Variants in USP34 observed in about 807,000 individuals in gnomAD.
USP34 encodes ubiquitin specific peptidase 34, also known as ubiquitin carboxyl-terminal hydrolase 34.
USP34 carries 70 observed loss-of-function variants against 460.3 expected under a neutral mutation model. The observed-to-expected ratio is 0.15, with a 90% CI of 0.13 to 0.19. USP34 has a LOEUF of 0.19. Ranked by LOEUF, USP34 falls within the 10% of genes least tolerant of loss-of-function variation. The pLI is 1.00. For missense variants in USP34, 3,985 were observed against 4,236.2 expected (o/e 0.94, Z 1.65); for synonymous variants, 1,647 against 1,405.3 (o/e 1.17, Z -3.85).
In USP34 at chr2:61,451,052, T is replaced by C. The variant is rs540343814; in HGVS notation, c.43+19598A>G. Among the ~76,000 whole-genome samples, 128 of 151,154 alleles carry C rather than the reference T, an allele frequency of 8.5e-4. 2 individuals are homozygous for C. Among genetic ancestry groups the C allele is most frequent in the Admixed American group, 7.6e-3 (116 of 15,166 alleles). ...GGTCAACATGGTGAAACCCCATCTC[T>C]ACTAAAAATGTAAAAAAAATTGGCT... On this transcript the variant is annotated intron_variant, in intron 1 of 79. Coordinates refer to ENST00000398571, the MANE Select transcript of USP34 (RefSeq NM_014709.4).
intron 70 of USP34, chr2:61,207,124 T>C (rs941804119): frequency 9.2e-6 from 3 of 327,540 alleles, no homozygotes; most frequent in African/African-American, 6.5e-5. Context: ...GAAGAAATAG[T>C]TTAATCACAT....
Position 61,187,591 on chromosome 2 carries a change from A to T in USP34, c.*511T>A, listed in dbSNP as rs1326023401. The T allele has an allele frequency of 3.3e-6, 3 of 903,624 alleles. No individual in the cohort carries two copies. The highest frequency in any genetic ancestry group is 4.0e-6 in the Non-Finnish European group (3 of 754,928). 56.0% of individuals were successfully genotyped at this position (903,624 alleles called of 1,614,324 possible). On this transcript the variant is annotated 3_prime_UTR_variant, in exon 80 of 80. Coordinates refer to ENST00000398571, the MANE Select transcript of USP34 (RefSeq NM_014709.4). ...TATTTCCTCCACAGGTATTCTGTTA[A>T]ATAAAGCACCATTTATATACTGCCA...
Position 61,392,595 on chromosome 2 carries a change from G to A in USP34, c.753+2258C>T, listed in dbSNP as rs1339585207. On this transcript the variant is annotated intron_variant, in intron 5 of 79. Transcript: ENST00000398571. ...GCCAAGATGGTGCCACTGCACTCTA[G>A]CCTGGGTGACGGAGTGAGACTCTGT... is the stretch of plus-strand genomic sequence containing the variant. 2.0e-5 allele frequency among the ~76,000 whole-genome samples: 3 copies of A among 152,212 alleles called. No homozygotes were observed. In the East Asian group the frequency reaches 5.8e-4, roughly 29 times the overall value.
intron 1 of USP34, among the ~76,000 whole-genome samples, chr2:61,455,800 T>C (rs1695420378): frequency 6.6e-6 from 1 of 152,226 alleles, no homozygotes; most frequent in Admixed American, 6.6e-5. Context: ...TAAATGTTGA[T>C]ATGCATTATC....
At chr2:61,396,349 G>A (rs920122766) in intron 3 of USP34, among the ~76,000 whole-genome samples, 1 of 152,138 alleles carries the variant, frequency 6.6e-6, no homozygotes, top group Non-Finnish European at 1.5e-5. Flanking sequence ...CTTTGACCCA[G>A]CAATTCTAGC....
intron 44 of USP34, among the ~76,000 whole-genome samples, chr2:61,257,668 G>C (rs2103897182): frequency 6.6e-6 from 1 of 152,260 alleles, no homozygotes; most frequent in East Asian, 1.9e-4. Context: ...GGAGGCCGAA[G>C]CAGGCGGATT....
At position 61,235,876 on chromosome 2, in the gene USP34, T is replaced by C. The variant is rs1280978728; in HGVS notation, c.7001A>G (p.Lys2334Arg). 6.2e-7 allele frequency: 1 copy of C among 1,613,936 alleles called. No individual in the cohort carries two copies. The highest frequency in any genetic ancestry group is 1.7e-5 in the Admixed American group (1 of 59,988). The change falls in exon 57 of 80, where the codon AAA (lysine) becomes AGA (arginine). Residue 2334 changes from lysine (K) to arginine (R), a missense_variant. Around this residue, in one of 14 missense-constraint regions of USP34, gnomAD observed 604 missense variants for 684.8 expected, o/e 0.88. Coordinates refer to ENST00000398571, the MANE Select transcript of USP34 (RefSeq NM_014709.4). ...TMLQWIELLT[K>R]QFNNSQAACE... ...AGCTGCCTGACTATTATTAAACTGT[T>C]TCGTCAACAGTTCAATCCACTGAAG...
At chr2:61,358,218 A>G (rs1187030034) in intron 10 of USP34, among the ~76,000 whole-genome samples, 1 of 151,770 alleles carries the variant, frequency 6.6e-6, no homozygotes, top group East Asian at 1.9e-4. Context: ...ATAAATAAAT[A>G]AATAAGAATG....
Position 61,249,046 on chromosome 2 carries a change from ATAAAGTTTAATT to A in USP34, c.6222-375_6222-364del, listed in dbSNP as rs1418562110. On this transcript the variant is annotated intron_variant, in intron 48 of 79. Coordinates refer to ENST00000398571, the MANE Select transcript of USP34 (RefSeq NM_014709.4). ...CGTATGTTTTCTTTCCCTATTCCAGATAAAGTTTAATTTATAAATTAGGCACAGCAAGAGATT... is the reference window on the plus strand; with the variant it reads ...CGTATGTTTTCTTTCCCTATTCCAGATATAAATTAGGCACAGCAAGAGATT... Among the ~76,000 whole-genome samples, 7 of 146,860 alleles carry A rather than the reference ATAAAGTTTAATT, an allele frequency of 4.8e-5. No homozygotes were observed. The East Asian group carries it at 1.2e-3, about 26-fold the overall frequency.
chr2:61,236,130 CAG>C (rs1558482506), intron 55 of USP34, 29 bp downstream of exon 55: 1 of 1,593,412 alleles, frequency 6.3e-7, no homozygotes, highest in Non-Finnish European at 8.5e-7. Flanking sequence ...TAAATTTTGA[CAG>C]AATTATTTAA....
At chr2:61,440,662 C>T (rs917288386) in intron 1 of USP34, among the ~76,000 whole-genome samples, 5 of 151,560 alleles carry the variant, frequency 3.3e-5, no homozygotes, top group Non-Finnish European at 5.9e-5. Flanking sequence ...GGATTAAAGG[C>T]GCCCACCACC....
intron 9 of USP34, 30 bp downstream of exon 9, chr2:61,370,468 A>T (rs532815942): frequency 1.2e-6 from 2 of 1,611,216 alleles, no homozygotes; most frequent in South Asian, 2.2e-5. Flanking sequence ...CTATCAATAG[A>T]ACAGAGAAGT....
intron 6 of USP34, 120 bp from the exon 7 acceptor site, chr2:61,380,481 C>G: frequency 3.9e-6 from 4 of 1,031,770 alleles, no homozygotes; most frequent in Non-Finnish European, 5.5e-6. Flanking sequence ...ACCCACAAAC[C>G]TCTGGTTTTC....
At chr2:61,188,837 T>TAAACA in intron 79 of USP34, 73 bp downstream of exon 79, 1 of 1,585,380 alleles carries the variant, frequency 6.3e-7, no homozygotes, top group Non-Finnish European at 8.6e-7. Context: ...ACACAACTCT[T>TAAACA]AAACCAGTTA....
chr2:61,287,505 T>G (rs188482907), intron 34 of USP34, among the ~76,000 whole-genome samples: 1 of 152,332 alleles, frequency 6.6e-6, no homozygotes, highest in East Asian at 1.9e-4. Context: ...TATCTGGGTT[T>G]TCTCCCAACT....
At chr2:61,232,670 A>C in intron 57 of USP34, 138 bp from the exon 58 acceptor site, 1 of 708,470 alleles carries the variant, frequency 1.4e-6, no homozygotes, top group Non-Finnish European at 2.3e-6. Flanking sequence ...TCTAATTGTC[A>C]TAAAAGTCAA....
chr2:61,287,572 C>T (rs1422930830), intron 34 of USP34, among the ~76,000 whole-genome samples: 1 of 152,178 alleles, frequency 6.6e-6, no homozygotes, highest in East Asian at 1.9e-4. Flanking sequence ...TCTTCTACTT[C>T]CTGATCAATG....
intron 53 of USP34, among the ~76,000 whole-genome samples, chr2:61,239,511 A>G (rs1688183912): frequency 6.6e-6 from 1 of 152,208 alleles, no homozygotes; most frequent in Non-Finnish European, 1.5e-5. Flanking sequence ...TCTTTAGGGC[A>G]AAAGGCTGTG....
intron 8 of USP34, among the ~76,000 whole-genome samples, chr2:61,374,455 A>C (rs1692729477): frequency 6.6e-6 from 1 of 152,144 alleles, no homozygotes; most frequent in Non-Finnish European, 1.5e-5. Flanking sequence ...TTTCATAGGC[A>C]CTCACAGACA....
Sources: gnomAD v4.1 joint callset for allele counts (sites outside exome capture counted in the v4.1 genomes callset) on GRCh38, gnomAD v4.1.1 for gene constraint, gnomAD v4.1.1 regional missense constraint, MANE v1.5 for transcripts, NCBI Gene and HGNC (gene_info 2026-07-23, HGNC 2026-07-21) for gene names.